TENM2: variants seen among roughly 807,000 people sequenced by gnomAD.
TENM2 encodes the protein teneurin-2.
TENM2 carries 52 observed loss-of-function variants against 245.2 expected under a neutral mutation model. That is an observed-to-expected ratio of 0.21 (90% CI 0.17 to 0.27). The LOEUF is 0.27. Ranked by LOEUF, TENM2 falls within the 10% of genes least tolerant of loss-of-function variation. The pLI is 1.00. For synonymous variants in TENM2, 1,363 were observed against 1,438.9 expected (o/e 0.95, Z 1.19); for missense variants, 3,046 against 3,666.8 (o/e 0.83, Z 4.37).
chr5:167,647,837 T>C (rs1434286213), intron 2 of TENM2, among the ~76,000 whole-genome samples: 2 of 152,100 alleles, frequency 1.3e-5, no homozygotes, highest in Non-Finnish European at 2.9e-5. Context: ...GCAGAACCCT[T>C]CCCAATTTAG....
intron 2 of TENM2, among the ~76,000 whole-genome samples, chr5:167,581,616 G>A (rs1303429020): frequency 6.6e-6 from 1 of 152,078 alleles, no homozygotes; most frequent in African/African-American, 2.4e-5. Context: ...ATGTATTATA[G>A]AGAATATATG....
intron 2 of TENM2, among the ~76,000 whole-genome samples, chr5:167,875,287 G>A (rs1481671182): frequency 1.3e-5 from 2 of 152,092 alleles, no homozygotes; most frequent in Non-Finnish European, 1.5e-5. Context: ...GTGGTGTCCT[G>A]CATGGAGGGG....
chr5:167,864,006 G>A (rs1487528267), intron 2 of TENM2, among the ~76,000 whole-genome samples: 2 of 152,112 alleles, frequency 1.3e-5, no homozygotes, highest in African/African-American at 4.8e-5. Flanking sequence ...TCTTTGAGGG[G>A]GAGCTTTTCA....
At chr5:167,875,367 T>C (rs1163469684) in intron 2 of TENM2, among the ~76,000 whole-genome samples, 4 of 152,030 alleles carry the variant, frequency 2.6e-5, no homozygotes, top group African/African-American at 9.7e-5. Flanking sequence ...AAGATGACCA[T>C]ATTGGCTAGA....
At chr5:167,079,667 C>T in the TENM2 span, among the ~76,000 whole-genome samples, 1 of 151,932 alleles carries the variant, frequency 6.6e-6, no homozygotes, top group African/African-American at 2.4e-5. Context: ...ATTAAGACAG[C>T]TCACATCGGT....
In TENM2 at chr5:167,857,526, A is replaced by C. The variant is rs565114357; in HGVS notation, c.503-18460A>C. ...TTCAGACGTGTTCATACAGGCCTAC[A>C]GTACATTGGGTCTCTCTTTCCTATG... On this transcript the variant is annotated intron_variant, in intron 2 of 28. Transcript: ENST00000518659. 1.2e-4 allele frequency among the ~76,000 whole-genome samples: 18 copies of C among 152,314 alleles called. 1 individual carries two copies. The highest frequency in any genetic ancestry group is 1.9e-4 in the Non-Finnish European group (13 of 68,032).
At chr5:167,404,253 G>T (rs1762512587) in intron 2 of TENM2, among the ~76,000 whole-genome samples, 1 of 152,114 alleles carries the variant, frequency 6.6e-6, no homozygotes, top group South Asian at 2.1e-4. Flanking sequence ...GGCATGAGGG[G>T]AGATGAAAGG....
chr5:167,310,167 T>C (rs1755937361), intron 1 of TENM2, among the ~76,000 whole-genome samples: 1 of 152,358 alleles, frequency 6.6e-6, no homozygotes, highest in East Asian at 1.9e-4. Flanking sequence ...TTGAGAGGGA[T>C]GCATAGAGCT....
chr5:167,840,141 C>A (rs1769370966), intron 2 of TENM2, among the ~76,000 whole-genome samples: 1 of 152,228 alleles, frequency 6.6e-6, no homozygotes, highest in South Asian at 2.1e-4. Flanking sequence ...TTATTCAAGG[C>A]CAACCCAGCA....
At chr5:167,498,752 T>C (rs1450707642) in intron 2 of TENM2, among the ~76,000 whole-genome samples, 2 of 152,116 alleles carry the variant, frequency 1.3e-5, no homozygotes, top group Non-Finnish European at 2.9e-5. Context: ...AAAATACACT[T>C]TTCATGCTTA....
intron 19 of TENM2, among the ~76,000 whole-genome samples, chr5:168,207,649 G>C (rs999210352): frequency 6.6e-6 from 1 of 152,108 alleles, no homozygotes; most frequent in Non-Finnish European, 1.5e-5. Context: ...AGGGAGGGAG[G>C]GGGAGGAAGA....
chr5:167,326,100 C>T (rs1757058113), intron 1 of TENM2, among the ~76,000 whole-genome samples: 1 of 152,000 alleles, frequency 6.6e-6, no homozygotes, highest in African/African-American at 2.4e-5. Flanking sequence ...GAAGAGTGGT[C>T]AGGGTACAGG....
At chr5:167,971,279 A>AC (rs1781760385) in intron 4 of TENM2, among the ~76,000 whole-genome samples, 1 of 150,676 alleles carries the variant, frequency 6.6e-6, no homozygotes, top group Non-Finnish European at 1.5e-5. Flanking sequence ...AAAGGGGAAA[A>AC]AGGGACCTGG....
At position 167,713,652 on chromosome 5, in the gene TENM2, G is replaced by A. The variant is rs368873307; in HGVS notation, c.503-162334G>A. On this transcript the variant is annotated intron_variant, in intron 2 of 28. Coordinates refer to ENST00000518659, the Ensembl canonical transcript of TENM2. ...CATACATGCGCACATGCAAGCACAG[G>A]CATACATGCATACATGTGTTTATAC... Among the ~76,000 whole-genome samples, 7 of 151,998 alleles carry A rather than the reference G, an allele frequency of 4.6e-5. No homozygotes were observed. The East Asian group carries it at 1.2e-3, about 25-fold the overall frequency.
At chr5:167,262,161 C>T in the TENM2 span, among the ~76,000 whole-genome samples, 6 of 152,258 alleles carry the variant, frequency 3.9e-5, no homozygotes, top group South Asian at 8.3e-4. Context: ...GATTATCAGA[C>T]CAGCCTGACC....
At chr5:168,101,336 C>T (rs923563729) in intron 9 of TENM2, among the ~76,000 whole-genome samples, 4 of 152,172 alleles carry the variant, frequency 2.6e-5, no homozygotes, top group African/African-American at 7.2e-5. Context: ...TTAACACTGA[C>T]ACACATCGAT....
intron 13 of TENM2, among the ~76,000 whole-genome samples, chr5:168,169,686 G>A (rs1033709417): frequency 2.6e-5 from 4 of 152,202 alleles, no homozygotes; most frequent in African/African-American, 4.8e-5. Flanking sequence ...GACTCCAAAA[G>A]GGTTCTGGTT....
chr5:167,128,259 C>T, the TENM2 span, among the ~76,000 whole-genome samples: 1 of 152,148 alleles, frequency 6.6e-6, no homozygotes, highest in South Asian at 2.1e-4. Flanking sequence ...TGACATTTCT[C>T]AGCATGGCCT....
chr5:167,440,569 A>C (rs1764822795), intron 2 of TENM2, among the ~76,000 whole-genome samples: 1 of 152,246 alleles, frequency 6.6e-6, no homozygotes, highest in African/African-American at 2.4e-5. Context: ...AAAACAAAGA[A>C]GAAACTAGAA....
Sources: allele counts gnomAD v4.1 joint callset (sites outside exome capture counted in the v4.1 genomes callset), GRCh38; gene constraint gnomAD v4.1.1; transcripts MANE v1.5; gene names NCBI Gene and HGNC (gene_info 2026-07-23, HGNC 2026-07-21).